MLLT3: variants seen among roughly 807,000 people sequenced by gnomAD.
The protein encoded by MLLT3 is MLLT3 super elongation complex subunit.
Under a neutral mutation model 53.2 loss-of-function variants are expected in MLLT3, and 4 were observed. The observed-to-expected ratio is 0.08, with a 90% CI of 0.04 to 0.17. The LOEUF is 0.17. Ranked by LOEUF, MLLT3 falls within the 10% of genes least tolerant of loss-of-function variation. The pLI, the probability that MLLT3 is intolerant of heterozygous loss-of-function variation, is 1.00. For missense variants in MLLT3, 569 were observed against 684.0 expected, an observed-to-expected ratio of 0.83 and a Z score of 1.87; for synonymous variants, 283 against 230.6, an observed-to-expected ratio of 1.23 and a Z score of -2.06.
At chr9:20,584,465 T>C (rs1200231221) in intron 2 of MLLT3, among the ~76,000 whole-genome samples, 1 of 152,174 alleles carries the variant, frequency 6.6e-6, no homozygotes, top group Non-Finnish European at 1.5e-5. Context: ...ATTTTCACAC[T>C]GTTGATAAAG....
chr9:20,347,318 T>G (rs1231108624), intron 10 of MLLT3, among the ~76,000 whole-genome samples: 1 of 152,200 alleles, frequency 6.6e-6, no homozygotes, highest in Non-Finnish European at 1.5e-5. Context: ...GTTCACTTGA[T>G]TCCCCTGAAT....
In MLLT3 at chr9:20,345,512, T is replaced by C. The variant is rs1439233145; in HGVS notation, c.*931A>G. ...ACCAGAATTCTTTTTTTTTAAATGA[T>C]GATCCTGTGGAATGCCTTTACTTCC... On this transcript the variant is annotated 3_prime_UTR_variant, in exon 11 of 11. Transcript: ENST00000380338. The C allele has an allele frequency of 2.0e-5, 4 of 202,414 alleles. No homozygotes were observed. Among genetic ancestry groups the C allele is most frequent in the Non-Finnish European group, 3.0e-5 (3 of 98,650 alleles). The allele number at this position is 202,414 out of a possible 1,614,324, so 12.5% of individuals were successfully genotyped here. A position where few individuals can be genotyped will look rare whatever the true frequency, so the allele number is the denominator to read the frequency against.
intron 2 of MLLT3, among the ~76,000 whole-genome samples, chr9:20,550,740 C>T (rs1450570215): frequency 6.6e-6 from 1 of 151,992 alleles, no homozygotes; most frequent in Non-Finnish European, 1.5e-5. Context: ...TAATATGTTA[C>T]AAAGTCTTAT....
chr9:20,551,303 T>C (rs1275871964), intron 2 of MLLT3, among the ~76,000 whole-genome samples: 1 of 152,232 alleles, frequency 6.6e-6, no homozygotes, highest in East Asian at 1.9e-4. Context: ...CTGCTTTTTG[T>C]GGCCTCTGTG....
intron 2 of MLLT3, among the ~76,000 whole-genome samples, chr9:20,491,778 G>C (rs757977810): frequency 2.0e-5 from 3 of 152,126 alleles, no homozygotes; most frequent in Admixed American, 2.0e-4. Flanking sequence ...TTCATCAGTA[G>C]CACTTTCTTC....
chr9:20,355,938 G>C (rs1339363032), intron 8 of MLLT3, among the ~76,000 whole-genome samples: 2 of 152,178 alleles, frequency 1.3e-5, no homozygotes, highest in East Asian at 3.8e-4. Flanking sequence ...TTAAGAATGA[G>C]TCCACTTTTA....
rs142976758 is a variant in MLLT3, at chr9:20,573,577, G to T, written c.193+47077C>A. Reference sequence around the variant, plus strand: ...AAAAGTTAAAGAAAATGCAAATAAAGTTAATGTTTAAAGTAGATGTTAAAA... The same window carrying T: ...AAAAGTTAAAGAAAATGCAAATAAATTTAATGTTTAAAGTAGATGTTAAAA... On this transcript the variant is annotated intron_variant, in intron 2 of 10. Transcript: ENST00000380338. Among the ~76,000 whole-genome samples, 423 of 152,268 alleles carry T rather than the reference G, an allele frequency of 2.8e-3. 3 individuals are homozygous for T. Among genetic ancestry groups the T allele is most frequent in the Admixed American group, 4.6e-3 (70 of 15,284 alleles).
At chr9:20,375,549 A>G (rs919760117) in intron 5 of MLLT3, among the ~76,000 whole-genome samples, 2 of 151,702 alleles carry the variant, frequency 1.3e-5, no homozygotes, top group Admixed American at 6.6e-5. Context: ...TGTCCAATCA[A>G]TATTACAATG....
intron 5 of MLLT3, among the ~76,000 whole-genome samples, chr9:20,382,148 C>T (rs1464344704): frequency 1.3e-5 from 2 of 151,760 alleles, no homozygotes; most frequent in East Asian, 1.9e-4. Context: ...TAGATGAATG[C>T]ATGTTATATG....
At chr9:20,537,708 A>G (rs1309805134) in intron 2 of MLLT3, among the ~76,000 whole-genome samples, 5 of 152,216 alleles carry the variant, frequency 3.3e-5, no homozygotes, top group Admixed American at 2.0e-4. Context: ...AACACCAAGA[A>G]GAAGAAATTT....
intron 2 of MLLT3, among the ~76,000 whole-genome samples, chr9:20,515,032 T>C (rs1382768003): frequency 1.3e-5 from 2 of 148,270 alleles, no homozygotes; most frequent in Non-Finnish European, 3.0e-5. Context: ...CCGCAACCTC[T>C]GCCTCCCGGG....
At chr9:20,524,815 C>T (rs1019018037) in intron 2 of MLLT3, among the ~76,000 whole-genome samples, 1 of 152,136 alleles carries the variant, frequency 6.6e-6, no homozygotes, top group African/African-American at 2.4e-5. Context: ...CTCCACACCC[C>T]CTCTACCTTG....
rs1819542425 is a variant in MLLT3, at chr9:20,571,935, CATT to C, written c.193+48716_193+48718del. 3.9e-5 allele frequency among the ~76,000 whole-genome samples: 6 copies of C among 152,112 alleles called. No individual in the cohort carries two copies. In the South Asian group the frequency reaches 1.2e-3, roughly 31 times the overall value. On this transcript the variant is annotated intron_variant, in intron 2 of 10. Transcript: ENST00000380338. ...CTTGCACACTGTTGGTGGGAATGTA[CATT>C]AGTATAGCCATTTTGGAAAACAGTA...
At chr9:20,507,010 C>T (rs1313836574) in intron 2 of MLLT3, among the ~76,000 whole-genome samples, 1 of 152,208 alleles carries the variant, frequency 6.6e-6, no homozygotes, top group African/African-American at 2.4e-5. Context: ...CAAATCAACA[C>T]TTACTATTCA....
chr9:20,621,862 C>G lies in MLLT3; in HGVS notation c.12+383G>C. 7.2e-7 allele frequency: 1 copy of G among 1,380,518 alleles called. No homozygotes were observed. The highest frequency in any genetic ancestry group is 9.3e-7 in the Non-Finnish European group (1 of 1,076,220). 85.5% of individuals were successfully genotyped at this position (1,380,518 alleles called of 1,614,324 possible). A position where few individuals can be genotyped will look rare whatever the true frequency, so the allele number is the denominator to read the frequency against. The stretch of plus-strand genomic sequence containing the variant: ...CTGTGCCCGCAGCTCCCGGCGGCGG[C>G]GGCTGAAATATGGCTGAGTTATTAT... On this transcript the variant is annotated intron_variant, in intron 1 of 10. Coordinates refer to ENST00000380338, the MANE Select transcript of MLLT3 (RefSeq NM_004529.4). The surrounding 1 kb of genome is among the most constrained non-coding windows in gnomAD (Gnocchi z 7.0).
At chr9:20,587,112 C>T (rs1235918297) in intron 2 of MLLT3, among the ~76,000 whole-genome samples, 2 of 151,404 alleles carry the variant, frequency 1.3e-5, no homozygotes, top group East Asian at 1.9e-4. Flanking sequence ...ATACCAATTT[C>T]CCTTAGATTT....
intron 2 of MLLT3, among the ~76,000 whole-genome samples, chr9:20,497,832 G>C (rs184864282): frequency 6.6e-6 from 1 of 152,246 alleles, no homozygotes; most frequent in Non-Finnish European, 1.5e-5. Flanking sequence ...CCTACAAGCA[G>C]AATGATTGGG....
At chr9:20,600,400 A>G (rs1313992344) in intron 2 of MLLT3, among the ~76,000 whole-genome samples, 1 of 152,222 alleles carries the variant, frequency 6.6e-6, no homozygotes. Flanking sequence ...TGTTGGCTGA[A>G]TAAGTAATCA....
intron 4 of MLLT3, among the ~76,000 whole-genome samples, chr9:20,444,726 G>C (rs1268662286): frequency 6.6e-6 from 1 of 151,972 alleles, no homozygotes; most frequent in East Asian, 1.9e-4. Context: ...ACAAAAATTA[G>C]TCAGGTGTGG....
Sources: allele counts gnomAD v4.1 joint callset (sites outside exome capture counted in the v4.1 genomes callset), GRCh38; gene constraint gnomAD v4.1.1; non-coding constraint Gnocchi (gnomAD v3.1); transcripts MANE v1.5; gene names NCBI Gene and HGNC (gene_info 2026-07-23, HGNC 2026-07-21).